LRRIQ4: variants seen among roughly 807,000 people sequenced by gnomAD.
The protein encoded by LRRIQ4 is leucine-rich repeat and IQ domain-containing protein 4.
In LRRIQ4, 21 loss-of-function variants were observed where a neutral mutation model predicts 40.1. That is an observed-to-expected ratio of 0.52 (90% CI 0.37 to 0.75). The LOEUF is 0.75. Ranked by LOEUF, LRRIQ4 falls within the 30% of genes least tolerant of loss-of-function variation. The probability of loss-of-function intolerance (pLI) is 0.00; values close to 1 mark genes in which losing one functional copy is unlikely to be tolerated. For missense variants in LRRIQ4, 655 were observed against 660.0 expected (o/e 0.99, Z 0.08); for synonymous variants, 277 against 277.1 (o/e 1.00, Z 0.00).
chr3:169,815,194 G>C (rs954951221), intron 1 of LRRIQ4, among the ~76,000 whole-genome samples: 1 of 152,046 alleles, frequency 6.6e-6, no homozygotes, highest in Non-Finnish European at 1.5e-5. Flanking sequence ...ATTTTGATAG[G>C]AATTGTATAT....
Position 169,813,579 on chromosome 3 carries a change from G to A in LRRIQ4, c.-32+533G>A, listed in dbSNP as rs146507031. On this transcript the variant is annotated intron_variant, in intron 1 of 5. Coordinates refer to ENST00000340806, the MANE Select transcript of LRRIQ4 (RefSeq NM_001080460.3). Reference sequence around the variant, plus strand: ...ACAGGAAATATCCTCTCCATAGGGTGTACACCATAAACGACTTTGTAACCT... The same window carrying A: ...ACAGGAAATATCCTCTCCATAGGGTATACACCATAAACGACTTTGTAACCT... Among the ~76,000 whole-genome samples, 504 of 152,302 alleles carry A rather than the reference G, an allele frequency of 3.3e-3. 1 individual carries two copies. Among genetic ancestry groups the A allele is most frequent in the South Asian group, 5.2e-3 (25 of 4,824 alleles).
At chr3:169,824,727 G>T (rs1387818736) in intron 2 of LRRIQ4, among the ~76,000 whole-genome samples, 2 of 151,988 alleles carry the variant, frequency 1.3e-5, no homozygotes, top group Non-Finnish European at 2.9e-5. Context: ...TGGCCAGGCT[G>T]GTCTCAAACT....
At chr3:169,829,752 C>T (rs547781869) in intron 3 of LRRIQ4, among the ~76,000 whole-genome samples, 6 of 152,316 alleles carry the variant, frequency 3.9e-5, no homozygotes, top group East Asian at 3.9e-4. Flanking sequence ...CCACCTGCCT[C>T]GGCCTCCCAA....
rs374417123 is a variant in LRRIQ4, at chr3:169,832,208, G to A, written c.1334-779G>A. The stretch of plus-strand genomic sequence containing the variant: ...TTGTAGGCCAGGCGCGGTGGCTCAC[G>A]CCTGTAATTCCAGCACTTTGGGAGG... On this transcript the variant is annotated intron_variant, in intron 4 of 5. Transcript: ENST00000340806. 2.8e-3 allele frequency among the ~76,000 whole-genome samples: 432 copies of A among 152,138 alleles called. 1 individual carries two copies. Among genetic ancestry groups the A allele is most frequent in the African/African-American group, 8.7e-3 (363 of 41,518 alleles).
At chr3:169,828,040 C>T (rs1478354754) in intron 2 of LRRIQ4, among the ~76,000 whole-genome samples, 1 of 152,276 alleles carries the variant, frequency 6.6e-6, no homozygotes, top group East Asian at 1.9e-4. Flanking sequence ...GAGATTTCAA[C>T]TGAAGTTTCA....
At chr3:169,832,530 G>T (rs909079990) in intron 4 of LRRIQ4, among the ~76,000 whole-genome samples, 2 of 150,272 alleles carry the variant, frequency 1.3e-5, no homozygotes, top group East Asian at 3.9e-4. Context: ...TACTTGGGAG[G>T]CTGAGGCACT....
intron 2 of LRRIQ4, among the ~76,000 whole-genome samples, chr3:169,823,451 G>A (rs970002475): frequency 1.3e-5 from 2 of 151,738 alleles, no homozygotes; most frequent in African/African-American, 2.4e-5. Flanking sequence ...GGGTTCAAGC[G>A]GTTCTCCTGC....
Position 169,837,544 on chromosome 3 carries a change from AC to A in LRRIQ4, c.1598del (p.Pro533HisfsTer18). The A allele has an allele frequency of 1.2e-6, 2 of 1,607,896 alleles. No individual in the cohort carries two copies. The highest frequency in any genetic ancestry group is 1.7e-6 in the Non-Finnish European group (2 of 1,177,288). Reference sequence around the variant, plus strand: ...TTGGGAAATTCGGTGAACTACTAAAACCACAAAAGAAAGGAAAGACCTCTCC... The same window carrying A: ...TTGGGAAATTCGGTGAACTACTAAAACACAAAAGAAAGGAAAGACCTCTCC... ...GFGKFGELLK[P>X]QKKGKTSPKD... On this transcript the variant is annotated frameshift_variant, in exon 6 of 6. Transcript: ENST00000340806. LOFTEE classifies it high-confidence loss of function.
Position 169,830,549 on chromosome 3 carries a change from G to C in LRRIQ4, c.1252G>C (p.Gly418Arg). 6.2e-7 allele frequency: 1 copy of C among 1,613,058 alleles called. No homozygotes were observed. Reference protein sequence around the residue: ...NHLEYLPVSLGSMPNLEVLDC... With the variant: ...NHLEYLPVSLRSMPNLEVLDC... Reference sequence around the variant, plus strand: ...TCTGGAGTACCTGCCCGTATCCTTGGGGTCAATGCCTAACCTAGAAGTTCT... The same window carrying C: ...TCTGGAGTACCTGCCCGTATCCTTGCGGTCAATGCCTAACCTAGAAGTTCT... The change falls in exon 4 of 6, where the codon GGG becomes CGG. Residue 418 changes from glycine to arginine, a missense_variant. By Grantham distance (125) the Gly-to-Arg change is moderately radical (BLOSUM62 -2). Coordinates refer to ENST00000340806, the MANE Select transcript of LRRIQ4 (RefSeq NM_001080460.3).
chr3:169,824,109 CACA>C (rs1269994626), intron 2 of LRRIQ4, among the ~76,000 whole-genome samples: 1 of 152,018 alleles, frequency 6.6e-6, no homozygotes, highest in Non-Finnish European at 1.5e-5. Context: ...CACATATACA[CACA>C]ACACATATTT....
chr3:169,823,312 A>G (rs542099135), intron 2 of LRRIQ4, among the ~76,000 whole-genome samples: 29 of 150,560 alleles, frequency 1.9e-4, no homozygotes, highest in Non-Finnish European at 3.2e-4. Flanking sequence ...ATTCCAGCCC[A>G]CAGCTGCCAG....
chr3:169,819,150 C>T (rs970710670), intron 1 of LRRIQ4, among the ~76,000 whole-genome samples: 2 of 152,002 alleles, frequency 1.3e-5, no homozygotes, highest in African/African-American at 4.8e-5. Flanking sequence ...TGTAGCAATC[C>T]CTAGAGAAAA....
rs1034690355 is a variant in LRRIQ4 at position 169,834,522 on chromosome 3, A to C, written c.1530+1339A>C. On this transcript the variant is annotated intron_variant, in intron 5 of 5. Transcript: ENST00000340806. Reference sequence around the variant, plus strand: ...ATTTAACATTGTTGGCCACAAGTTTAAATCATTGCAAAGGATGTAATTTCC... The same window carrying C: ...ATTTAACATTGTTGGCCACAAGTTTCAATCATTGCAAAGGATGTAATTTCC... Among the ~76,000 whole-genome samples, 3 of 152,238 alleles carry C rather than the reference A, an allele frequency of 2.0e-5. No homozygotes were observed. The East Asian group carries it at 5.8e-4, about 29-fold the overall frequency.
Position 169,828,940 on chromosome 3 carries a change from T to C in LRRIQ4, c.1194+8T>C. ...CACATTAGGAAACTGCAGGTAAGCCTCCCCAAATGAGCAGGCTAAGAAGCA... is the reference window on the plus strand; with the variant it reads ...CACATTAGGAAACTGCAGGTAAGCCCCCCCAAATGAGCAGGCTAAGAAGCA... On this transcript the variant is annotated splice_region_variant and intron_variant, in intron 3 of 5. Coordinates refer to ENST00000340806, the MANE Select transcript of LRRIQ4 (RefSeq NM_001080460.3). 1 of 1,597,858 alleles carries C rather than the reference T, an allele frequency of 6.3e-7. No homozygotes were observed. Among genetic ancestry groups the C allele is most frequent in the Non-Finnish European group, 8.5e-7 (1 of 1,174,718 alleles).
Position 169,822,264 on chromosome 3 carries a change from A to G in LRRIQ4, c.343A>G (p.Ser115Gly), listed in dbSNP as rs1779914533. Residue 115 changes from serine (S) to glycine (G), a missense_variant, in exon 2 of 6, where the codon AGC becomes GGC. Transcript: ENST00000340806. The part of the protein sequence containing the change: ...PIFSSSLVVV[S>G]FLHALRELRL... ...CTTCTCCTCCTCCCTTGTCGTTGTC[A>G]GCTTCCTCCACGCCCTGCGCGAGCT... The G allele has an allele frequency of 2.5e-6, 4 of 1,610,188 alleles. No individual in the cohort carries two copies. The highest frequency in any genetic ancestry group is 2.5e-6 in the Non-Finnish European group (3 of 1,178,532).
chr3:169,821,204 TG>T (rs1779879540), intron 1 of LRRIQ4, among the ~76,000 whole-genome samples: 1 of 152,220 alleles, frequency 6.6e-6, no homozygotes, highest in South Asian at 2.1e-4. Context: ...TTCGACTCTC[TG>T]GTGGTTTTAA....
At chr3:169,813,628 A>C (rs1483476989) in intron 1 of LRRIQ4, among the ~76,000 whole-genome samples, 3 of 152,204 alleles carry the variant, frequency 2.0e-5, no homozygotes, top group Non-Finnish European at 2.9e-5. Flanking sequence ...TCATTTACAC[A>C]GGGCGTACTC....
intron 3 of LRRIQ4, 115 bp from the exon 4 acceptor site, chr3:169,830,377 G>GAAAACAAAAAAAAAAAAAAAA (rs1780135991): frequency 9.7e-6 from 1 of 103,278 alleles, no homozygotes; most frequent in Non-Finnish European, 1.6e-5. Flanking sequence ...CACTGAAAGT[G>GAAAACAAAAAAAAAAAAAAAA]AAAAAAAAAA....
intron 4 of LRRIQ4, among the ~76,000 whole-genome samples, chr3:169,832,015 A>T (rs1368571327): frequency 6.6e-6 from 1 of 152,094 alleles, no homozygotes; most frequent in East Asian, 1.9e-4. Flanking sequence ...AATGGAGACA[A>T]GGGGTTGTAT....
Sources: allele counts gnomAD v4.1 joint callset (sites outside exome capture counted in the v4.1 genomes callset), GRCh38; gene constraint gnomAD v4.1.1; transcripts MANE v1.5; gene names NCBI Gene and HGNC (gene_info 2026-07-23, HGNC 2026-07-21).